Variants in CDH18 observed in about 807,000 individuals in gnomAD.
The protein encoded by CDH18 is cadherin-18.
CDH18 carries 31 observed loss-of-function variants against 67.9 expected under a neutral mutation model. The ratio of observed to expected loss-of-function variants is 0.46; its 90% CI spans 0.34 to 0.62. The LOEUF is 0.62. Among genes scored for constraint, CDH18 ranks in the 20% least tolerant of loss-of-function variants. The probability of loss-of-function intolerance (pLI) is 0.01; values close to 1 mark genes in which losing one functional copy is unlikely to be tolerated. For synonymous variants in CDH18, 362 were observed against 347.2 expected (o/e 1.04, Z -0.48); for missense variants, 890 against 975.5 (o/e 0.91, Z 1.17).
intron 2 of CDH18, among the ~76,000 whole-genome samples, chr5:19,898,544 T>G (rs2150105343): frequency 6.6e-6 from 1 of 152,022 alleles, no homozygotes; most frequent in African/African-American, 2.4e-5. Flanking sequence ...GTTAGTTTTT[T>G]TTAAAAAAAG....
At chr5:19,994,629 T>C (rs552362687) in intron 2 of CDH18, among the ~76,000 whole-genome samples, 2 of 143,466 alleles carry the variant, frequency 1.4e-5, no homozygotes, top group African/African-American at 5.1e-5. Context: ...GATTAATTAG[T>C]TCCTCACTAC....
intron 3 of CDH18, among the ~76,000 whole-genome samples, chr5:19,790,382 T>A (rs1046757286): frequency 2.0e-5 from 3 of 152,194 alleles, no homozygotes; most frequent in African/African-American, 7.2e-5. Context: ...TTATATACTA[T>A]GTGCGAGTGC....
At chr5:20,109,338 A>G (rs1430503618) in intron 2 of CDH18, among the ~76,000 whole-genome samples, 1 of 152,254 alleles carries the variant, frequency 6.6e-6, no homozygotes, top group Admixed American at 6.5e-5. Flanking sequence ...AGAACATTTC[A>G]TTATCGGCAA....
At chr5:19,740,672 A>G (rs1031747090) in intron 4 of CDH18, among the ~76,000 whole-genome samples, 1 of 152,176 alleles carries the variant, frequency 6.6e-6, no homozygotes, top group Non-Finnish European at 1.5e-5. Flanking sequence ...TTACAAATAC[A>G]TTTTTATTCA....
chr5:19,509,242 G>C (rs1488210738), intron 10 of CDH18, among the ~76,000 whole-genome samples: 1 of 151,906 alleles, frequency 6.6e-6, no homozygotes, highest in East Asian at 1.9e-4. Context: ...CTAAACAATG[G>C]GGACAAAGGA....
rs182105828 is a variant in CDH18 at position 20,467,839 on chromosome 5, C to T, written c.-580+107623G>A. ...AGTAGGCATTTGCAGAAAAGCAAGG[C>T]GGTGATGGCTGAAAGTTTTACTATT... On this transcript the variant is annotated intron_variant, in intron 1 of 14. Coordinates refer to the CDH18 transcript ENST00000507958. Among the ~76,000 whole-genome samples the T allele has an allele frequency of 4.8e-3, 730 of 152,102 alleles. 4 individuals carry two copies. Among genetic ancestry groups the T allele is most frequent in the Admixed American group, 9.2e-3 (140 of 15,266 alleles).
intron 3 of CDH18, among the ~76,000 whole-genome samples, chr5:19,816,489 T>C (rs1196356475): frequency 3.3e-5 from 5 of 151,894 alleles, no homozygotes; most frequent in Non-Finnish European, 7.4e-5. Flanking sequence ...AAATGTCTCC[T>C]TAGTTAAATT....
Position 19,520,685 on chromosome 5 carries a change from A to G in CDH18, c.1484T>C (p.Ile495Thr), listed in dbSNP as rs752648387. The G allele has an allele frequency of 3.7e-6, 6 of 1,613,130 alleles. No individual in the cohort carries two copies. In the South Asian group the frequency reaches 6.6e-5, roughly 18 times the overall value. ...GCCAGGCTTAGAATTTTCACATACA[A>G]TAATATCATATTCCCTGGCAAGTTC... The part of the protein sequence containing the change: ...PPELAREYDI[I>T]VCENSKPGQV... Residue 495 changes from isoleucine to threonine, a missense_variant, in exon 10 of 13, where the codon ATT (isoleucine) becomes ACT (threonine). By Grantham distance (89) the Ile-to-Thr change is moderately conservative. Around this residue, in one of 2 missense-constraint regions of CDH18, gnomAD observed 656 missense variants for 668.1 expected, o/e 0.98. Coordinates refer to ENST00000382275, the MANE Select transcript of CDH18 (RefSeq NM_004934.5).
At chr5:20,371,217 A>G (rs1350328627) in intron 1 of CDH18, among the ~76,000 whole-genome samples, 1 of 152,138 alleles carries the variant, frequency 6.6e-6, no homozygotes, top group African/African-American at 2.4e-5. Flanking sequence ...GGAATCCAGA[A>G]TAATTACTAG....
chr5:20,500,522 C>T (rs1057154750), intron 1 of CDH18, among the ~76,000 whole-genome samples: 1 of 152,132 alleles, frequency 6.6e-6, no homozygotes, highest in Non-Finnish European at 1.5e-5. Flanking sequence ...CATCTGGGAA[C>T]AGGTATAATG....
intron 2 of CDH18, among the ~76,000 whole-genome samples, chr5:20,132,042 C>A (rs1749314756): frequency 6.6e-6 from 1 of 152,058 alleles, no homozygotes; most frequent in African/African-American, 2.4e-5. Context: ...CAGGCACCAC[C>A]AAGCCCAGCA....
intron 2 of CDH18, among the ~76,000 whole-genome samples, chr5:20,032,028 C>G (rs1486879366): frequency 6.6e-6 from 1 of 152,026 alleles, no homozygotes; most frequent in Non-Finnish European, 1.5e-5. Flanking sequence ...CCAATCCACA[C>G]AGCAGAAGCC....
chr5:20,533,270 C>T (rs1350780849), intron 1 of CDH18, among the ~76,000 whole-genome samples: 1 of 152,050 alleles, frequency 6.6e-6, no homozygotes, highest in African/African-American at 2.4e-5. Flanking sequence ...CAAGATGATC[C>T]TGAATGTCCA....
At chr5:20,178,159 T>C (rs1006867839) in intron 2 of CDH18, among the ~76,000 whole-genome samples, 1 of 152,064 alleles carries the variant, frequency 6.6e-6, no homozygotes, top group Admixed American at 6.6e-5. Context: ...GCATTTGACA[T>C]TGGACTTGAA....
intron 1 of CDH18, among the ~76,000 whole-genome samples, chr5:20,400,800 A>G (rs887618348): frequency 6.6e-5 from 10 of 152,194 alleles, no homozygotes; most frequent in African/African-American, 2.4e-4. Flanking sequence ...TAAAATAAGT[A>G]AAATAAGTAA....
At chr5:20,538,126 C>T (rs959769718) in intron 1 of CDH18, among the ~76,000 whole-genome samples, 1 of 152,006 alleles carries the variant, frequency 6.6e-6, no homozygotes, top group Admixed American at 6.6e-5. Flanking sequence ...ACCGAAGAGA[C>T]AAATGTCCCA....
chr5:20,237,447 A>T (rs534341359), intron 2 of CDH18, among the ~76,000 whole-genome samples: 17 of 152,092 alleles, frequency 1.1e-4, no homozygotes, highest in South Asian at 2.1e-4. Context: ...ACTATAAAAA[A>T]GTAGTATACT....
chr5:20,539,470 T>C (rs1756925804), intron 1 of CDH18, among the ~76,000 whole-genome samples: 1 of 152,026 alleles, frequency 6.6e-6, no homozygotes. Flanking sequence ...GAGCTTTATA[T>C]GATGAAACTA....
chr5:20,318,533 T>C (rs190585910), intron 1 of CDH18, among the ~76,000 whole-genome samples: 35 of 152,176 alleles, frequency 2.3e-4, no homozygotes, highest in African/African-American at 8.4e-4. Flanking sequence ...TGGTACTGTA[T>C]AGTGAGCAAG....
Sources: allele counts gnomAD v4.1 joint callset (sites outside exome capture counted in the v4.1 genomes callset), GRCh38; gene constraint gnomAD v4.1.1; regional missense constraint gnomAD v4.1.1; transcripts MANE v1.5; gene names NCBI Gene and HGNC (gene_info 2026-07-23, HGNC 2026-07-21).